LINGO2: variants seen among roughly 807,000 people sequenced by gnomAD.
LINGO2 encodes the protein leucine rich repeat and Ig domain containing 2, also known as leucine-rich repeat and immunoglobulin-like domain-containing nogo receptor-interacting protein 2.
LINGO2 carries 14 observed loss-of-function variants against 30.6 expected under a neutral mutation model. That is an observed-to-expected ratio of 0.46 (90% CI 0.30 to 0.72). The LOEUF (loss-of-function observed/expected upper bound fraction) is 0.72. Ranked by LOEUF, LINGO2 falls within the 30% of genes least tolerant of loss-of-function variation. LINGO2 has a pLI of 0.07. For synonymous variants in LINGO2, 317 were observed against 288.5 expected, an observed-to-expected ratio of 1.10 and a Z score of -1.00; for missense variants, 729 against 751.7, an observed-to-expected ratio of 0.97 and a Z score of 0.35.
chr9:28,644,184 T>A (rs1431970994), intron 1 of LINGO2, among the ~76,000 whole-genome samples: 1 of 151,986 alleles, frequency 6.6e-6, no homozygotes, highest in Non-Finnish European at 1.5e-5. Flanking sequence ...ATTCCACTAC[T>A]GGATATATAA....
intron 1 of LINGO2, among the ~76,000 whole-genome samples, chr9:28,534,065 A>C (rs60484461): frequency 0.058 from 8,847 of 152,206 alleles, 640 homozygotes; most frequent in African/African-American, 0.17. Context: ...ATGTTTAGCA[A>C]TTTATTTCCT....
intron 4 of LINGO2, among the ~76,000 whole-genome samples, chr9:28,183,917 C>T (rs1030315405): frequency 8.5e-5 from 13 of 152,180 alleles, no homozygotes; most frequent in African/African-American, 3.1e-4. Flanking sequence ...TTGCAGCCTC[C>T]TTCTCATGCA....
At chr9:28,433,569 G>T (rs1823767639) in intron 2 of LINGO2, among the ~76,000 whole-genome samples, 1 of 152,050 alleles carries the variant, frequency 6.6e-6, no homozygotes, top group East Asian at 1.9e-4. Context: ...TCTGGATATG[G>T]TCACAATGAG....
At chr9:28,958,818 A>G in the LINGO2 span, among the ~76,000 whole-genome samples, 1 of 152,216 alleles carries the variant, frequency 6.6e-6, no homozygotes, top group South Asian at 2.1e-4. Context: ...GAGGTTGGCC[A>G]TGGCAATGAT....
At chr9:29,012,962 T>C in the LINGO2 span, among the ~76,000 whole-genome samples, 2 of 152,192 alleles carry the variant, frequency 1.3e-5, no homozygotes, top group Non-Finnish European at 2.9e-5. Flanking sequence ...AGTTCATCCA[T>C]CTAGTTCATC....
chr9:28,553,622 C>A (rs558828106), intron 1 of LINGO2, among the ~76,000 whole-genome samples: 1 of 151,926 alleles, frequency 6.6e-6, no homozygotes, highest in African/African-American at 2.4e-5. Flanking sequence ...GGCAGGCCAA[C>A]GTTCAGATTC....
chr9:28,548,641 T>C (rs1253790024), intron 1 of LINGO2, among the ~76,000 whole-genome samples: 1 of 136,672 alleles, frequency 7.3e-6, no homozygotes, highest in Non-Finnish European at 1.5e-5. Context: ...GAGGCAGAGG[T>C]TGCACTGAGC....
chr9:28,788,912 G>A, the LINGO2 span, among the ~76,000 whole-genome samples: 1 of 152,176 alleles, frequency 6.6e-6, no homozygotes, highest in South Asian at 2.1e-4. Context: ...AATATTGTTT[G>A]GTTACAACAT....
At chr9:29,183,967 C>T in the LINGO2 span, among the ~76,000 whole-genome samples, 2 of 151,822 alleles carry the variant, frequency 1.3e-5, no homozygotes, top group South Asian at 2.1e-4. Context: ...TGATATTTAA[C>T]ATCCGGAGTG....
At chr9:28,837,649 A>AATATATATATATATATATATATATATAT in the LINGO2 span, among the ~76,000 whole-genome samples, 98 of 75,768 alleles carry the variant, frequency 1.3e-3, 10 homozygotes, top group Non-Finnish European at 1.4e-3. Context: ...CTCCGTCTAA[A>AATATATATATATATATATATATATATAT]ATATATATAT....
At chr9:28,767,643 G>C in the LINGO2 span, among the ~76,000 whole-genome samples, 1 of 151,798 alleles carries the variant, frequency 6.6e-6, no homozygotes, top group Non-Finnish European at 1.5e-5. Flanking sequence ...AAAATTAGCC[G>C]GGCGTGGTGG....
chr9:28,481,205 A>T (rs975796564), intron 1 of LINGO2, among the ~76,000 whole-genome samples: 2 of 152,182 alleles, frequency 1.3e-5, no homozygotes, highest in African/African-American at 2.4e-5. Flanking sequence ...TATTGCAAAT[A>T]GTTAAGATCT....
chr9:28,092,935 T>C (rs1220281523), intron 4 of LINGO2, among the ~76,000 whole-genome samples: 1 of 152,096 alleles, frequency 6.6e-6, no homozygotes, highest in African/African-American at 2.4e-5. Flanking sequence ...TCATGGCTTT[T>C]AATTCTTATC....
At chr9:28,953,872 T>C in the LINGO2 span, among the ~76,000 whole-genome samples, 1 of 152,164 alleles carries the variant, frequency 6.6e-6, no homozygotes, top group Admixed American at 6.6e-5. Context: ...GGCTATCTCT[T>C]ATTGTGAATG....
chr9:28,467,526 T>C (rs1825363572), intron 2 of LINGO2, among the ~76,000 whole-genome samples: 1 of 152,152 alleles, frequency 6.6e-6, no homozygotes, highest in Non-Finnish European at 1.5e-5. Flanking sequence ...GAACCACAAT[T>C]CCTTAAATAC....
intron 4 of LINGO2, among the ~76,000 whole-genome samples, chr9:28,213,289 A>G (rs926484154): frequency 2.0e-5 from 3 of 151,310 alleles, no homozygotes; most frequent in African/African-American, 7.3e-5. Flanking sequence ...TATTTTAGGA[A>G]CCCCTGTGTT....
chr9:28,313,066 G>T (rs754958611), intron 3 of LINGO2, among the ~76,000 whole-genome samples: 16 of 152,124 alleles, frequency 1.1e-4, no homozygotes, highest in Non-Finnish European at 2.4e-4. Flanking sequence ...CCTGACACCT[G>T]TTTCAACATC....
the LINGO2 span, among the ~76,000 whole-genome samples, chr9:28,752,605 T>C: frequency 1.3e-5 from 2 of 152,092 alleles, no homozygotes; most frequent in African/African-American, 4.8e-5. Flanking sequence ...TCAAAAGTCC[T>C]AGGCTATGTT....
At position 28,530,677 on chromosome 9, in the gene LINGO2, TA is replaced by T. The variant is rs1371530103; in HGVS notation, c.-364-54653del. The stretch of plus-strand genomic sequence containing the variant: ...TTAATATTGTTTTCAATCACTAAAA[TA>T]AAAATCAATAACATATTACATAAAG... On this transcript the variant is annotated intron_variant, in intron 1 of 5. Transcript: ENST00000379992. Among the ~76,000 whole-genome samples the T allele has an allele frequency of 2.6e-5, 4 of 152,212 alleles. No homozygotes were observed. The East Asian group carries it at 7.7e-4, about 29-fold the overall frequency.
Sources: allele counts gnomAD v4.1 joint callset (sites outside exome capture counted in the v4.1 genomes callset), GRCh38; gene constraint gnomAD v4.1.1; transcripts MANE v1.5; gene names NCBI Gene and HGNC (gene_info 2026-07-23, HGNC 2026-07-21).